ZNF385D: variants seen among roughly 807,000 people sequenced by gnomAD.
ZNF385D encodes zinc finger protein 659.
A neutral mutation model predicts 35.8 loss-of-function variants in ZNF385D; 15 were observed. The ratio of observed to expected loss-of-function variants is 0.42; its 90% CI spans 0.28 to 0.64. ZNF385D has a LOEUF of 0.64. Among genes scored for constraint, ZNF385D ranks in the 30% least tolerant of loss-of-function variants. The pLI, the probability that ZNF385D is intolerant of heterozygous loss-of-function variation, is 0.23. For missense variants in ZNF385D, 474 were observed against 494.6 expected, an observed-to-expected ratio of 0.96 and a Z score of 0.39; for synonymous variants, 212 against 186.8, an observed-to-expected ratio of 1.13 and a Z score of -1.10.
intron 3 of ZNF385D, among the ~76,000 whole-genome samples, chr3:22,062,599 C>T (rs960359623): frequency 6.6e-6 from 1 of 152,160 alleles, no homozygotes; most frequent in Non-Finnish European, 1.5e-5. Context: ...GGTTTTAAAA[C>T]ATACCCACAA....
chr3:21,579,967 A>AT (rs1491485515), intron 2 of ZNF385D: 7 of 152,124 alleles, frequency 4.6e-5, no homozygotes, highest in Admixed American at 1.3e-4. Context: ...CAACAAGGTC[A>AT]TATTCTGATG....
intron 3 of ZNF385D, among the ~76,000 whole-genome samples, chr3:22,023,929 G>A (rs1374087910): frequency 6.6e-6 from 1 of 151,992 alleles, no homozygotes; most frequent in African/African-American, 2.4e-5. Context: ...CTGAGACTGG[G>A]GTTAACACTG....
At chr3:21,449,216 T>G (rs977046211) in intron 4 of ZNF385D, among the ~76,000 whole-genome samples, 1 of 151,906 alleles carries the variant, frequency 6.6e-6, no homozygotes, top group African/African-American at 2.4e-5. Flanking sequence ...ATCTGTGTTA[T>G]CTCTGAAACC....
intron 3 of ZNF385D, among the ~76,000 whole-genome samples, chr3:22,079,392 A>C (rs760629071): frequency 4.6e-5 from 7 of 152,096 alleles, no homozygotes; most frequent in Non-Finnish European, 8.8e-5. Flanking sequence ...ATTAATATAA[A>C]AATATGAAGT....
At chr3:21,970,823 A>C (rs1053812090) in intron 3 of ZNF385D, among the ~76,000 whole-genome samples, 1 of 152,114 alleles carries the variant, frequency 6.6e-6, no homozygotes, top group African/African-American at 2.4e-5. Context: ...AGAAGAGAAA[A>C]GAAACAAATA....
chr3:21,486,887 A>G (rs544463412), intron 4 of ZNF385D, among the ~76,000 whole-genome samples: 67 of 152,186 alleles, frequency 4.4e-4, no homozygotes, highest in African/African-American at 1.6e-3. Flanking sequence ...TTTTTTTTAA[A>G]CTGGCTAGGA....
chr3:21,793,310 CA>C lies in ZNF385D; in HGVS notation c.326-128283del, dbSNP rs1216473555. On this transcript the variant is annotated intron_variant, in intron 3 of 5. Coordinates refer to the ZNF385D transcript ENST00000494108. ...ATACTCCACAGGCTGTGATAAGAAT[CA>C]AATGAGGTATTGTTAAGGAAATATT... 2.6e-5 allele frequency among the ~76,000 whole-genome samples: 4 copies of C among 152,254 alleles called. No individual in the cohort carries two copies. In the East Asian group the frequency reaches 7.7e-4, roughly 29 times the overall value.
At chr3:21,701,339 C>T (rs2067675999) in intron 1 of ZNF385D, among the ~76,000 whole-genome samples, 1 of 152,050 alleles carries the variant, frequency 6.6e-6, no homozygotes, top group African/African-American at 2.4e-5. Context: ...GAGGAAACCC[C>T]TGATAAATCC....
intron 3 of ZNF385D, among the ~76,000 whole-genome samples, chr3:21,919,847 TTCTGAATAACTTTGAATAAC>T (rs943806994): frequency 1.3e-5 from 2 of 152,200 alleles, no homozygotes; most frequent in African/African-American, 4.8e-5. Context: ...TGAATAACTT[TTCTGAATAACTTTGAATAAC>T]TCTGAATAAC....
At chr3:21,725,754 A>G (rs113749749) in intron 1 of ZNF385D, among the ~76,000 whole-genome samples, 25,103 of 152,156 alleles carry the variant, frequency 0.16, 2,316 homozygotes, top group South Asian at 0.25. Flanking sequence ...CCAGAGGTAC[A>G]AACAGTAGCT....
intron 2 of ZNF385D, among the ~76,000 whole-genome samples, chr3:22,259,597 A>G (rs1700514146): frequency 6.6e-6 from 1 of 152,032 alleles, no homozygotes; most frequent in African/African-American, 2.4e-5. Flanking sequence ...TAGCATATCA[A>G]AAAAATGTTT....
At chr3:21,995,521 G>A (rs1695408333) in intron 3 of ZNF385D, among the ~76,000 whole-genome samples, 1 of 152,082 alleles carries the variant, frequency 6.6e-6, no homozygotes, top group South Asian at 2.1e-4. Flanking sequence ...CAGTGAGTGA[G>A]GTGGATCAAT....
chr3:22,284,962 G>C (rs1701951187), intron 2 of ZNF385D, among the ~76,000 whole-genome samples: 1 of 152,100 alleles, frequency 6.6e-6, no homozygotes, highest in Admixed American at 6.6e-5. Flanking sequence ...GAAGGATCAA[G>C]ATGTGAAGGA....
intron 3 of ZNF385D, among the ~76,000 whole-genome samples, chr3:21,856,132 G>C (rs1164758644): frequency 2.6e-5 from 4 of 151,910 alleles, no homozygotes; most frequent in African/African-American, 9.7e-5. Flanking sequence ...TTTTTTTCTT[G>C]CTATAATCTC....
At chr3:22,299,524 T>G (rs1054148064) in intron 2 of ZNF385D, among the ~76,000 whole-genome samples, 1 of 151,856 alleles carries the variant, frequency 6.6e-6, no homozygotes, top group African/African-American at 2.4e-5. Context: ...CCAAATTGGA[T>G]AGTAAGAAGT....
At chr3:22,148,994 G>A (rs1275717634) in intron 3 of ZNF385D, among the ~76,000 whole-genome samples, 2 of 152,070 alleles carry the variant, frequency 1.3e-5, no homozygotes, top group African/African-American at 2.4e-5. Context: ...TTTTAGAGCT[G>A]CAAAAACCAG....
At chr3:22,124,088 C>T (rs773870605) in intron 3 of ZNF385D, among the ~76,000 whole-genome samples, 10 of 151,376 alleles carry the variant, frequency 6.6e-5, no homozygotes, top group Non-Finnish European at 1.3e-4. Flanking sequence ...TCTCCCTCAC[C>T]CCTACAATTC....
intron 2 of ZNF385D, among the ~76,000 whole-genome samples, chr3:21,632,928 T>C (rs2065322874): frequency 6.6e-6 from 1 of 152,130 alleles, no homozygotes; most frequent in Admixed American, 6.6e-5. Context: ...TTTTATTTAT[T>C]TACTTGATGA....
rs566304737 is a variant in ZNF385D, at chr3:22,333,925, T to C, written c.106+38525A>G. On this transcript the variant is annotated intron_variant, in intron 2 of 5. Coordinates refer to the ZNF385D transcript ENST00000494108. ...CCCAATGTATTTATTGCTATTTACT[T>C]TTCAAAGTCCTCAGATACTTGTTCC... 4.6e-4 allele frequency among the ~76,000 whole-genome samples: 70 copies of C among 152,320 alleles called. No homozygotes were observed. The South Asian group carries it at 4.8e-3, about 10-fold the overall frequency.
Sources: gnomAD v4.1 joint callset for allele counts (sites outside exome capture counted in the v4.1 genomes callset) on GRCh38, gnomAD v4.1.1 for gene constraint, MANE v1.5 for transcripts, NCBI Gene and HGNC (gene_info 2026-07-23, HGNC 2026-07-21) for gene names.